The following HS6ST3 variants were observed in gnomAD, a reference collection of about 807,000 sequenced individuals.
HS6ST3 encodes the protein heparan-sulfate 6-O-sulfotransferase 3.
HS6ST3 carries 12 observed loss-of-function variants against 36.7 expected under a neutral mutation model. That is an observed-to-expected ratio of 0.33 (90% CI 0.21 to 0.53). The LOEUF is 0.53. Ranked by LOEUF, HS6ST3 falls within the 20% of genes least tolerant of loss-of-function variation. The pLI, the probability that HS6ST3 is intolerant of heterozygous loss-of-function variation, is 0.95. For synonymous variants in HS6ST3, 240 were observed against 257.5 expected (o/e 0.93, Z 0.65); for missense variants, 584 against 640.9 (o/e 0.91, Z 0.96).
chr13:96,350,771 T>A (rs572829018), intron 1 of HS6ST3, among the ~76,000 whole-genome samples: 3 of 152,348 alleles, frequency 2.0e-5, no homozygotes, highest in African/African-American at 7.2e-5. Flanking sequence ...ATTTCCTTAG[T>A]GCAGCACAAT....
intron 1 of HS6ST3, among the ~76,000 whole-genome samples, chr13:96,300,355 C>T (rs991764222): frequency 6.6e-6 from 1 of 152,000 alleles, no homozygotes; most frequent in Non-Finnish European, 1.5e-5. Flanking sequence ...CCACACCTGG[C>T]CGTGGTACAC....
chr13:96,543,877 T>A (rs990051184), intron 1 of HS6ST3, among the ~76,000 whole-genome samples: 1 of 151,968 alleles, frequency 6.6e-6, no homozygotes. Flanking sequence ...CAAAAATAGA[T>A]GACAGAATCA....
At chr13:96,651,474 C>A (rs1224495070) in intron 1 of HS6ST3, among the ~76,000 whole-genome samples, 1 of 152,030 alleles carries the variant, frequency 6.6e-6, no homozygotes, top group Non-Finnish European at 1.5e-5. Flanking sequence ...CAGCTTGGCT[C>A]CCTTATGCAC....
At chr13:96,655,660 G>A (rs1352283373) in intron 1 of HS6ST3, among the ~76,000 whole-genome samples, 1 of 151,986 alleles carries the variant, frequency 6.6e-6, no homozygotes, top group African/African-American at 2.4e-5. Flanking sequence ...CTACTGTTTA[G>A]TGCTGAGGAA....
intron 1 of HS6ST3, among the ~76,000 whole-genome samples, chr13:96,547,309 A>G (rs1420483412): frequency 6.6e-6 from 1 of 152,182 alleles, no homozygotes; most frequent in African/African-American, 2.4e-5. Context: ...TGGTACCAAA[A>G]TTAGCTCAAG....
At chr13:96,242,975 A>AC (rs2054568401) in intron 1 of HS6ST3, among the ~76,000 whole-genome samples, 1 of 152,262 alleles carries the variant, frequency 6.6e-6, no homozygotes, top group Non-Finnish European at 1.5e-5. Flanking sequence ...AATGTGGTAT[A>AC]CACATACCAT....
chr13:96,262,954 C>T (rs2054673846), intron 1 of HS6ST3, among the ~76,000 whole-genome samples: 1 of 152,112 alleles, frequency 6.6e-6, no homozygotes, highest in African/African-American at 2.4e-5. Flanking sequence ...TGTATGACCT[C>T]TCAGAATAAT....
intron 1 of HS6ST3, among the ~76,000 whole-genome samples, chr13:96,346,139 A>AGGCCATGGATCAGTACGGTCCAT (rs2139428475): frequency 6.6e-6 from 1 of 152,286 alleles, no homozygotes; most frequent in African/African-American, 2.4e-5. Flanking sequence ...AGTCCCTAAC[A>AGGCCATGGATCAGTACGGTCCAT]GGCCATGGAT....
chr13:96,142,714 CAT>C (rs771630078), intron 1 of HS6ST3, among the ~76,000 whole-genome samples: 2 of 152,030 alleles, frequency 1.3e-5, no homozygotes, highest in Non-Finnish European at 2.9e-5. Context: ...ATGTGGTAAA[CAT>C]ATATGTCAGA....
intron 1 of HS6ST3, among the ~76,000 whole-genome samples, chr13:96,551,702 A>G (rs2056220059): frequency 6.6e-6 from 1 of 152,156 alleles, no homozygotes; most frequent in African/African-American, 2.4e-5. Context: ...TTAACTGTAA[A>G]TGTTTACTCA....
At chr13:96,412,100 G>A (rs942711276) in intron 1 of HS6ST3, among the ~76,000 whole-genome samples, 1 of 152,236 alleles carries the variant, frequency 6.6e-6, no homozygotes, top group South Asian at 2.1e-4. Flanking sequence ...CGCCTCCTGG[G>A]TTCAAGCGAT....
At chr13:96,793,578 C>T (rs1382633038) in intron 1 of HS6ST3, among the ~76,000 whole-genome samples, 4 of 152,152 alleles carry the variant, frequency 2.6e-5, no homozygotes, top group Admixed American at 6.5e-5. Flanking sequence ...GGTGGGCCTG[C>T]CCATGGTAGC....
At chr13:96,175,484 C>T (rs1243387676) in intron 1 of HS6ST3, among the ~76,000 whole-genome samples, 2 of 151,894 alleles carry the variant, frequency 1.3e-5, no homozygotes, top group African/African-American at 4.8e-5. Flanking sequence ...ATATCATCAG[C>T]CCTGGGAAGT....
At chr13:96,153,891 A>T (rs903594918) in intron 1 of HS6ST3, among the ~76,000 whole-genome samples, 2 of 152,236 alleles carry the variant, frequency 1.3e-5, no homozygotes, top group African/African-American at 4.8e-5. Flanking sequence ...CAGTGCATTA[A>T]TATAAGGCCA....
intron 1 of HS6ST3, among the ~76,000 whole-genome samples, chr13:96,785,451 C>T (rs1877624509): frequency 6.6e-6 from 1 of 152,184 alleles, no homozygotes; most frequent in Admixed American, 6.5e-5. Flanking sequence ...ATTGGTTCAA[C>T]CTGATTCTAC....
At chr13:96,453,198 A>T (rs9584371) in intron 1 of HS6ST3, among the ~76,000 whole-genome samples, 1 of 151,640 alleles carries the variant, frequency 6.6e-6, no homozygotes, top group East Asian at 1.9e-4. Flanking sequence ...AAAAAAAAAG[A>T]AAAAAAGATT....
At chr13:96,205,278 A>G (rs1303211148) in intron 1 of HS6ST3, among the ~76,000 whole-genome samples, 1 of 152,198 alleles carries the variant, frequency 6.6e-6, no homozygotes, top group African/African-American at 2.4e-5. Flanking sequence ...CTGAACCAGG[A>G]AGAAATTGAG....
At chr13:96,359,640 TA>T (rs113667776) in intron 1 of HS6ST3, among the ~76,000 whole-genome samples, 3,652 of 152,174 alleles carry the variant, frequency 0.024, 49 homozygotes, top group East Asian at 0.055. Context: ...CATTGACACA[TA>T]GGCTTTCAGG....
intron 1 of HS6ST3, among the ~76,000 whole-genome samples, chr13:96,498,806 G>A (rs1039871114): frequency 6.6e-6 from 1 of 152,070 alleles, no homozygotes. Flanking sequence ...GTTCTTATTT[G>A]GTTTGTTTGG....
Sources: allele counts gnomAD v4.1 joint callset (sites outside exome capture counted in the v4.1 genomes callset), GRCh38; gene constraint gnomAD v4.1.1; transcripts MANE v1.5; gene names NCBI Gene and HGNC (gene_info 2026-07-23, HGNC 2026-07-21).